HDAC9: variants seen among roughly 807,000 people sequenced by gnomAD.
HDAC9 encodes the protein histone deacetylase 9, also known as MEF-2 interacting transcription repressor (MITR) protein.
A neutral mutation model predicts 139.4 loss-of-function variants in HDAC9; 41 were observed. The ratio of observed to expected loss-of-function variants is 0.29; its 90% CI spans 0.23 to 0.38. The LOEUF is 0.38. Ranked by LOEUF, HDAC9 falls within the 10% of genes least tolerant of loss-of-function variation. The probability of loss-of-function intolerance (pLI) is 1.00; values close to 1 mark genes in which losing one functional copy is unlikely to be tolerated. For missense variants in HDAC9, 1,147 were observed against 1,297.0 expected, an observed-to-expected ratio of 0.88 and a Z score of 1.78; for synonymous variants, 517 against 476.2, an observed-to-expected ratio of 1.09 and a Z score of -1.12.
chr7:18,636,876 AT>A (rs3214107), intron 8 of HDAC9, among the ~76,000 whole-genome samples: 99,971 of 150,850 alleles, frequency 0.66, 33,341 homozygotes, highest in African/African-American at 0.76. Flanking sequence ...CTTGGTTACA[AT>A]TTTTTTTTTC....
intron 19 of HDAC9, among the ~76,000 whole-genome samples, chr7:18,831,644 G>A (rs1795863784): frequency 6.6e-6 from 1 of 152,194 alleles, no homozygotes; most frequent in Non-Finnish European, 1.5e-5. Flanking sequence ...TTCTGCAGCT[G>A]CAGGGCTACT....
chr7:18,751,546 T>C (rs140093430), intron 14 of HDAC9, among the ~76,000 whole-genome samples: 1 of 152,116 alleles, frequency 6.6e-6, no homozygotes, highest in Admixed American at 6.6e-5. Context: ...AAGAAAGTAT[T>C]GCCCATATAA....
At chr7:18,436,605 A>G (rs1033146206) in intron 1 of HDAC9, among the ~76,000 whole-genome samples, 2 of 152,200 alleles carry the variant, frequency 1.3e-5, no homozygotes, top group Admixed American at 1.3e-4. Context: ...TTGCACGGGA[A>G]AGTGTGTAAA....
At chr7:18,473,320 G>C (rs771861213) in intron 1 of HDAC9, among the ~76,000 whole-genome samples, 1 of 152,146 alleles carries the variant, frequency 6.6e-6, no homozygotes, top group Non-Finnish European at 1.5e-5. Context: ...CTTAGCACCA[G>C]GCATGCCTCT....
chr7:18,495,925 C>T lies in HDAC9; in HGVS notation c.-140C>T. 7.3e-6 allele frequency: 9 copies of T among 1,229,316 alleles called. No individual in the cohort carries two copies. The highest frequency in any genetic ancestry group is 9.1e-6 in the Non-Finnish European group (9 of 986,082). 76.2% of individuals were successfully genotyped at this position (1,229,316 alleles called of 1,614,324 possible). On this transcript the variant is annotated 5_prime_UTR_variant, in exon 1 of 26. Coordinates refer to ENST00000686413, the MANE Select transcript of HDAC9 (RefSeq NM_178425.4). ...ACGTATTCTGACAAAGAAATAACCC[C>T]GAAGCACGTTCCTATTTCCCACCTG...
chr7:18,250,843 T>C (rs1486853306), intron 2 of HDAC9, among the ~76,000 whole-genome samples: 1 of 152,220 alleles, frequency 6.6e-6, no homozygotes, highest in Non-Finnish European at 1.5e-5. Context: ...TTTCTCATTA[T>C]GGTTTTGATT....
intron 15 of HDAC9, 81 bp downstream of exon 15, chr7:18,762,358 T>C (rs914592327): frequency 1.6e-5 from 25 of 1,517,426 alleles, no homozygotes; most frequent in Non-Finnish European, 2.1e-5. Context: ...TTCAAAATAC[T>C]TGGCAAGTAG....
chr7:18,975,400 T>G (rs549509040), intron 24 of HDAC9, among the ~76,000 whole-genome samples: 1 of 152,346 alleles, frequency 6.6e-6, no homozygotes, highest in Admixed American at 6.5e-5. Flanking sequence ...AGTTAATGAT[T>G]CAAGTAGCAA....
At chr7:18,735,896 C>A (rs1291170902) in intron 13 of HDAC9, among the ~76,000 whole-genome samples, 1 of 152,166 alleles carries the variant, frequency 6.6e-6, no homozygotes, top group African/African-American at 2.4e-5. Context: ...TGTTTGCATC[C>A]TCTCCTATTT....
chr7:18,882,185 G>C (rs1799789443), intron 22 of HDAC9, among the ~76,000 whole-genome samples: 1 of 152,014 alleles, frequency 6.6e-6, no homozygotes, highest in South Asian at 2.1e-4. Flanking sequence ...CTTGAAATAG[G>C]AGTTCATAAT....
At chr7:18,473,038 C>T (rs769531082) in intron 1 of HDAC9, among the ~76,000 whole-genome samples, 6 of 152,198 alleles carry the variant, frequency 3.9e-5, no homozygotes, top group African/African-American at 9.7e-5. Context: ...GTCAAAGCCA[C>T]GGAGAAGAAA....
chr7:18,798,352 CAA>C (rs1462842971), intron 17 of HDAC9, among the ~76,000 whole-genome samples: 2 of 152,144 alleles, frequency 1.3e-5, no homozygotes, highest in African/African-American at 2.4e-5. Flanking sequence ...GGAAAGTAAT[CAA>C]AGTCTTCCAA....
rs1256067548 is a variant in HDAC9, at chr7:18,168,891, T to TGTGTGTG, written c.25+6542_25+6543insGTGTGTG. On this transcript the variant is annotated intron_variant, in intron 2 of 12. Coordinates refer to the HDAC9 transcript ENST00000417496. ...GTGCAAATGTCTTGTTTTTTTTTTT[T>TGTGTGTG]TTTTTTTGTGTGTGTGTGTGTGTGT... Among the ~76,000 whole-genome samples the TGTGTGTG allele has an allele frequency of 1.4e-3, 163 of 114,716 alleles. 1 individual carries two copies. Among genetic ancestry groups the TGTGTGTG allele is most frequent in the African/African-American group, 6.6e-3 (159 of 24,074 alleles). 75.3% of individuals were successfully genotyped at this position (114,716 alleles called of 152,430 possible). A position where few individuals can be genotyped will look rare whatever the true frequency, so the allele number is the denominator to read the frequency against.
chr7:18,628,444 G>A (rs1781365999), intron 6 of HDAC9, among the ~76,000 whole-genome samples: 1 of 152,100 alleles, frequency 6.6e-6, no homozygotes, highest in Non-Finnish European at 1.5e-5. Flanking sequence ...CTATATAAAT[G>A]TTAATTGTTA....
At chr7:18,287,772 G>C (rs551846126), upstream of HDAC9, among the ~76,000 whole-genome samples, 29 of 152,314 alleles carry the variant, frequency 1.9e-4, no homozygotes, top group African/African-American at 6.7e-4. Flanking sequence ...TTTTCAATGA[G>C]GCTGTACTGG....
chr7:18,605,277 C>T (rs1263428408), intron 6 of HDAC9, among the ~76,000 whole-genome samples: 1 of 152,156 alleles, frequency 6.6e-6, no homozygotes, highest in Non-Finnish European at 1.5e-5. Context: ...TGTTCTATAA[C>T]CTTACAACTA....
At chr7:18,540,143 G>C (rs1016836186) in intron 2 of HDAC9, among the ~76,000 whole-genome samples, 1 of 150,690 alleles carries the variant, frequency 6.6e-6, no homozygotes, top group Non-Finnish European at 1.5e-5. Flanking sequence ...AATTGTGGTG[G>C]GTGCCTGTAA....
intron 12 of HDAC9, among the ~76,000 whole-genome samples, chr7:18,716,206 T>G (rs1372642496): frequency 6.6e-6 from 1 of 152,212 alleles, no homozygotes; most frequent in Non-Finnish European, 1.5e-5. Flanking sequence ...AGACAAGGGA[T>G]GCTAATCTAG....
chr7:18,552,778 G>A (rs1036926615), intron 2 of HDAC9, among the ~76,000 whole-genome samples: 1 of 152,280 alleles, frequency 6.6e-6, no homozygotes, highest in South Asian at 2.1e-4. Flanking sequence ...TGGTCTAGAA[G>A]CAATTGTTCA....
Sources: gnomAD v4.1 joint callset for allele counts (sites outside exome capture counted in the v4.1 genomes callset) on GRCh38, gnomAD v4.1.1 for gene constraint, MANE v1.5 for transcripts, NCBI Gene and HGNC (gene_info 2026-07-23, HGNC 2026-07-21) for gene names.